The following ARHGAP26 variants were observed in gnomAD, a reference collection of about 807,000 sequenced individuals.
ARHGAP26 encodes the protein rho GTPase-activating protein 26.
Under a neutral mutation model 104.8 loss-of-function variants are expected in ARHGAP26, and 38 were observed. That is an observed-to-expected ratio of 0.36 (90% confidence interval 0.28 to 0.48). ARHGAP26 has a LOEUF of 0.48. Ranked by LOEUF, ARHGAP26 falls within the 20% of genes least tolerant of loss-of-function variation. ARHGAP26 has a pLI of 0.99. For missense variants in ARHGAP26, 704 were observed against 947.9 expected, an observed-to-expected ratio of 0.74 and a Z score of 3.38; for synonymous variants, 341 against 340.0, an observed-to-expected ratio of 1.00 and a Z score of -0.03.
At chr5:143,030,560 G>C (rs1781696076) in intron 12 of ARHGAP26, among the ~76,000 whole-genome samples, 1 of 152,184 alleles carries the variant, frequency 6.6e-6, no homozygotes, top group Non-Finnish European at 1.5e-5. Context: ...GAAGTGGTTA[G>C]ATCAGCCTAT....
In ARHGAP26 at chr5:143,224,559, A is replaced by G. The variant is rs543806950; in HGVS notation, c.*2113A>G. 8.6e-6 allele frequency: 2 copies of G among 231,408 alleles called. No individual in the cohort carries two copies. Among genetic ancestry groups the G allele is most frequent in the East Asian group, 1.2e-4 (2 of 16,342 alleles). The allele number at this position is 231,408 out of a possible 1,614,324, so 14.3% of individuals were successfully genotyped here. On this transcript the variant is annotated 3_prime_UTR_variant, in exon 23 of 23. Transcript: ENST00000645722. The stretch of plus-strand genomic sequence containing the variant: ...AGGTGTATTTCTTGGTACCCCCAAG[A>G]TATCAGGCCAGAAAGAGATGAGTCA...
intron 11 of ARHGAP26, among the ~76,000 whole-genome samples, chr5:142,956,435 A>G (rs543370804): frequency 3.7e-4 from 57 of 152,004 alleles, no homozygotes; most frequent in Middle Eastern, 3.4e-3. Flanking sequence ...AAATTAGCCA[A>G]GTGTGGTGGT....
At chr5:143,041,742 G>T in intron 13 of ARHGAP26, 74 bp from the exon 14 acceptor site, 876 of 633,708 alleles carry the variant, frequency 1.4e-3, no homozygotes, top group Non-Finnish European at 1.9e-3. Context: ...AAAAAAAAAA[G>T]TGCATTTGGC....
Position 142,770,664 on chromosome 5 carries a change from G to T in ARHGAP26, c.-98G>T, listed in dbSNP as rs915914748. On this transcript the variant is annotated 5_prime_UTR_variant, in exon 1 of 23. Coordinates refer to ENST00000645722, the MANE Select transcript of ARHGAP26 (RefSeq NM_001135608.3). ...CACACCTGTGGAGCCGGCGGCCGTC[G>T]GGGGAGCCGGCCGGGGTCCCGCCGC... 5.4e-6 allele frequency: 5 copies of T among 921,660 alleles called. No homozygotes were observed. Among genetic ancestry groups the T allele is most frequent in the Non-Finnish European group, 6.6e-6 (5 of 757,534 alleles). The allele number at this position is 921,660 out of a possible 1,614,324, so 57.1% of individuals were successfully genotyped here.
chr5:143,031,315 G>A (rs1781804722), intron 12 of ARHGAP26, among the ~76,000 whole-genome samples: 1 of 152,256 alleles, frequency 6.6e-6, no homozygotes, highest in Non-Finnish European at 1.5e-5. Context: ...CAAGACCATA[G>A]GGGCTGCAAT....
At chr5:142,890,144 AAAAAAAAATAT>A (rs1264955250) in intron 5 of ARHGAP26, among the ~76,000 whole-genome samples, 104 of 89,124 alleles carry the variant, frequency 1.2e-3, no homozygotes, top group Non-Finnish European at 2.1e-3. Context: ...CTTAAAAAAA[AAAAAAAAATAT>A]ATATATATAT....
intron 18 of ARHGAP26, among the ~76,000 whole-genome samples, chr5:143,126,059 C>T (rs980878464): frequency 6.6e-6 from 1 of 152,210 alleles, no homozygotes; most frequent in African/African-American, 2.4e-5. Context: ...TTTCAAGGCA[C>T]TCCCATTTTA....
chr5:143,118,608 G>T (rs182032891), intron 17 of ARHGAP26, among the ~76,000 whole-genome samples: 1 of 152,104 alleles, frequency 6.6e-6, no homozygotes, highest in South Asian at 2.1e-4. Context: ...CTGTCTCTAC[G>T]GAAAAATTTA....
chr5:142,800,430 C>T (rs1359337164), intron 1 of ARHGAP26, among the ~76,000 whole-genome samples: 3 of 150,792 alleles, frequency 2.0e-5, no homozygotes, highest in African/African-American at 7.3e-5. Context: ...AGTGCAATAG[C>T]GTGATCTCGG....
At chr5:143,085,958 C>T (rs1054335219) in intron 17 of ARHGAP26, among the ~76,000 whole-genome samples, 4 of 152,148 alleles carry the variant, frequency 2.6e-5, no homozygotes, top group African/African-American at 7.2e-5. Flanking sequence ...GTTTGACTTC[C>T]TAAGGCTGAT....
Position 143,057,975 on chromosome 5 carries a change from C to G in ARHGAP26, c.1538+228C>G, listed in dbSNP as rs114142640. 1,156 of 668,110 alleles carry G rather than the reference C, an allele frequency of 1.7e-3. 9 individuals carry two copies. Among genetic ancestry groups the G allele is most frequent in the African/African-American group, 0.017 (973 of 56,508 alleles). 41.4% of individuals were successfully genotyped at this position (668,110 alleles called of 1,614,324 possible). On this transcript the variant is annotated intron_variant, in intron 17 of 22. Coordinates refer to ENST00000645722, the MANE Select transcript of ARHGAP26 (RefSeq NM_001135608.3). ...GGAAGTGCTCATGCAACCAGGCCACCAAGCAGAGTTTTCAGGGGGATTTTA... is the reference window on the plus strand; with the variant it reads ...GGAAGTGCTCATGCAACCAGGCCACGAAGCAGAGTTTTCAGGGGGATTTTA...
intron 4 of ARHGAP26, among the ~76,000 whole-genome samples, chr5:142,880,111 C>T (rs948221185): frequency 6.6e-6 from 1 of 152,194 alleles, no homozygotes; most frequent in African/African-American, 2.4e-5. Flanking sequence ...TATCACTGAC[C>T]TGGAGGGACT....
intron 12 of ARHGAP26, among the ~76,000 whole-genome samples, chr5:143,026,518 T>C (rs985569413): frequency 6.6e-6 from 1 of 151,400 alleles, no homozygotes; most frequent in East Asian, 2.0e-4. Context: ...GGTAGATGAG[T>C]GTTATTGATG....
chr5:143,079,571 T>C (rs1440140803), intron 17 of ARHGAP26, among the ~76,000 whole-genome samples: 2 of 152,196 alleles, frequency 1.3e-5, no homozygotes, highest in Non-Finnish European at 2.9e-5. Context: ...AGCCTGGTAT[T>C]GTCGGCCCCA....
intron 12 of ARHGAP26, among the ~76,000 whole-genome samples, chr5:143,028,218 A>G (rs577909670): frequency 6.6e-6 from 1 of 152,352 alleles, no homozygotes; most frequent in South Asian, 2.1e-4. Flanking sequence ...CTAACTGTGT[A>G]GCTCAGAGCA....
chr5:143,134,579 G>A (rs537701386), intron 19 of ARHGAP26, among the ~76,000 whole-genome samples: 29 of 152,242 alleles, frequency 1.9e-4, no homozygotes, highest in African/African-American at 7.0e-4. Context: ...ATGGTGCCTG[G>A]CATGGAGTCG....
At chr5:143,098,197 A>T (rs532963011) in intron 17 of ARHGAP26, among the ~76,000 whole-genome samples, 1 of 152,316 alleles carries the variant, frequency 6.6e-6, no homozygotes, top group East Asian at 1.9e-4. Flanking sequence ...GACATATTTG[A>T]CCATAAGTTC....
rs944198506 is a variant in ARHGAP26, at chr5:142,807,880, A to T, written c.154+36965A>T. ...ATATTTTAATGCTGTGTCATCTCTT[A>T]GAAAGATGGGTTGAAAAGGATAAAC... is the stretch of plus-strand genomic sequence containing the variant. On this transcript the variant is annotated intron_variant, in intron 1 of 22. Transcript: ENST00000645722. Among the ~76,000 whole-genome samples the T allele has an allele frequency of 3.3e-5, 5 of 152,194 alleles. 1 individual carries two copies. Among genetic ancestry groups the T allele is most frequent in the Admixed American group, 3.3e-4 (5 of 15,280 alleles).
chr5:142,906,890 C>A (rs1294573030), intron 8 of ARHGAP26, among the ~76,000 whole-genome samples: 1 of 151,148 alleles, frequency 6.6e-6, no homozygotes, highest in Non-Finnish European at 1.5e-5. Context: ...TTTTTTTTAA[C>A]AATTTCTGCT....
Sources: gnomAD v4.1 joint callset for allele counts (sites outside exome capture counted in the v4.1 genomes callset) on GRCh38, gnomAD v4.1.1 for gene constraint, MANE v1.5 for transcripts, NCBI Gene and HGNC (gene_info 2026-07-23, HGNC 2026-07-21) for gene names.